Variants in VRK2 observed in about 807,000 individuals in gnomAD.
VRK2 encodes VRK serine/threonine kinase 2.
A neutral mutation model predicts 57.6 loss-of-function variants in VRK2; 60 were observed. The observed-to-expected ratio is 1.04, with a 90% CI of 0.85 to 1.29. VRK2 has a LOEUF of 1.29. VRK2 is among the 50% of genes most tolerant of loss of function. VRK2 has a pLI of 0.00. For synonymous variants in VRK2, 231 were observed against 199.2 expected (o/e 1.16, Z -1.35); for missense variants, 705 against 588.1 (o/e 1.20, Z -2.06).
chr2:58,139,767 T>G lies in VRK2; in HGVS notation c.958T>G (p.Leu320Val). 6.2e-7 allele frequency: 1 copy of G among 1,613,210 alleles called. No individual in the cohort carries two copies. The highest frequency in any genetic ancestry group is 8.5e-7 in the Non-Finnish European group (1 of 1,179,398). ...AATTTTGAACCCTCATGGAATACCT[T>G]TAGGACCACTGGACTTTTCCACAAA... Reference protein sequence around the residue: ...KKILNPHGIPLGPLDFSTKGQ... With the variant: ...KKILNPHGIPVGPLDFSTKGQ... Residue 320 changes from leucine to valine, a missense_variant, in exon 11 of 13, where the codon TTA (leucine) becomes GTA (valine). Physicochemically the swap from Leu to Val is conservative, Grantham distance 32. Transcript: ENST00000340157.
intron 2 of VRK2, among the ~76,000 whole-genome samples, chr2:58,079,638 G>A (rs1204589171): frequency 2.6e-5 from 4 of 151,820 alleles, no homozygotes; most frequent in South Asian, 4.2e-4. Flanking sequence ...TATTAGGATG[G>A]CACAAAAGCA....
At chr2:57,921,593 C>G (rs879791194) in intron 1 of VRK2, among the ~76,000 whole-genome samples, 13 of 151,954 alleles carry the variant, frequency 8.6e-5, no homozygotes, top group Non-Finnish European at 1.5e-4. Context: ...AATCTGCACT[C>G]AAAAAAGTAA....
chr2:58,048,733 G>A (rs1033819499), intron 1 of VRK2, 94 bp from the exon 2 acceptor site: 7 of 1,520,374 alleles, frequency 4.6e-6, no homozygotes, highest in African/African-American at 4.2e-5. Flanking sequence ...ACCTGGGAAA[G>A]TTCCCTATTG....
chr2:57,926,734 CT>C (rs200167473), intron 1 of VRK2, among the ~76,000 whole-genome samples: 7 of 148,780 alleles, frequency 4.7e-5, no homozygotes, highest in African/African-American at 1.2e-4. Context: ...TTTTTTTCAT[CT>C]TTTTTTTTCA....
At chr2:58,045,067 G>A (rs1157619537), upstream of VRK2, among the ~76,000 whole-genome samples, 1 of 152,190 alleles carries the variant, frequency 6.6e-6, no homozygotes, top group Non-Finnish European at 1.5e-5. Flanking sequence ...AAGTCATAGC[G>A]AAGACTGGCT....
At chr2:58,021,067 T>C (rs1673740146) in intron 1 of VRK2, among the ~76,000 whole-genome samples, 1 of 152,212 alleles carries the variant, frequency 6.6e-6, no homozygotes, top group East Asian at 1.9e-4. Context: ...GCCAGACTTT[T>C]GTAATACTGA....
At chr2:58,082,893 G>T (rs1671091317) in intron 2 of VRK2, among the ~76,000 whole-genome samples, 2 of 151,654 alleles carry the variant, frequency 1.3e-5, no homozygotes, top group African/African-American at 2.4e-5. Context: ...AATTGTGTAT[G>T]ATTGGCTCAA....
At chr2:57,970,643 T>C (rs1333839580) in intron 1 of VRK2, among the ~76,000 whole-genome samples, 1 of 151,922 alleles carries the variant, frequency 6.6e-6, no homozygotes, top group Non-Finnish European at 1.5e-5. Context: ...GCAAATATAA[T>C]TTCAAACTTT....
chr2:58,145,549 A>G (rs956026061), intron 11 of VRK2, among the ~76,000 whole-genome samples: 4 of 152,008 alleles, frequency 2.6e-5, no homozygotes, highest in African/African-American at 9.7e-5. Context: ...AATTTTCTCT[A>G]AAAATGCTGT....
At chr2:57,946,058 T>C (rs1315320161) in intron 1 of VRK2, among the ~76,000 whole-genome samples, 2 of 152,150 alleles carry the variant, frequency 1.3e-5, no homozygotes, top group African/African-American at 4.8e-5. Flanking sequence ...TATCTATATA[T>C]TTTGCAAGCT....
intron 2 of VRK2, among the ~76,000 whole-genome samples, chr2:58,051,694 A>G (rs1327550322): frequency 1.3e-5 from 2 of 152,200 alleles, no homozygotes; most frequent in Admixed American, 1.3e-4. Context: ...AGCTCATTGT[A>G]CATGTACAAC....
At chr2:58,051,136 T>C (rs1572855611) in intron 2 of VRK2, among the ~76,000 whole-genome samples, 1 of 152,344 alleles carries the variant, frequency 6.6e-6, no homozygotes, top group East Asian at 1.9e-4. Context: ...TGAGCCACTG[T>C]GCCCAGCCTA....
upstream of VRK2, among the ~76,000 whole-genome samples, chr2:58,045,199 G>A (rs1674648462): frequency 6.6e-6 from 1 of 152,212 alleles, no homozygotes; most frequent in African/African-American, 2.4e-5. Context: ...AAAACATTTA[G>A]GAGGGTAATA....
At position 58,048,862 on chromosome 2, in the gene VRK2, C is replaced by T; in HGVS notation, c.31C>T (p.Leu11Phe). 1.9e-6 allele frequency: 3 copies of T among 1,613,924 alleles called. No homozygotes were observed. Among genetic ancestry groups the T allele is most frequent in the Non-Finnish European group, 2.5e-6 (3 of 1,179,900 alleles). The change falls in exon 2 of 13, where the codon CTT (leucine) becomes TTT (phenylalanine). Residue 11 changes from leucine (L) to phenylalanine (F), a missense_variant. Physicochemically the swap from Leu to Phe is conservative, Grantham distance 22 (BLOSUM62 0). Transcript: ENST00000340157. MPPKRNEKYK[L>F]PIPFPEGKVL... ...ACCAAAAAGAAATGAAAAATACAAA[C>T]TTCCTATTCCATTTCCAGAAGGCAA... is the stretch of plus-strand genomic sequence containing the variant.
chr2:57,942,890 C>G (rs1671145026), intron 1 of VRK2, among the ~76,000 whole-genome samples: 1 of 152,174 alleles, frequency 6.6e-6, no homozygotes, highest in South Asian at 2.1e-4. Flanking sequence ...TCCATTACTT[C>G]AGGGTTCATA....
At chr2:58,051,508 A>G (rs182045071) in intron 2 of VRK2, among the ~76,000 whole-genome samples, 34 of 152,336 alleles carry the variant, frequency 2.2e-4, no homozygotes, top group African/African-American at 7.2e-4. Context: ...GCATTTTATC[A>G]TGGTTCTCAT....
intron 1 of VRK2, among the ~76,000 whole-genome samples, chr2:57,928,952 G>A (rs985546117): frequency 6.6e-6 from 1 of 152,156 alleles, no homozygotes; most frequent in Non-Finnish European, 1.5e-5. Context: ...CTGGGGGAGG[G>A]ATGACACAGC....
At chr2:58,111,188 GTGA>G (rs1675515348) in intron 7 of VRK2, among the ~76,000 whole-genome samples, 1 of 152,202 alleles carries the variant, frequency 6.6e-6, no homozygotes, top group African/African-American at 2.4e-5. Context: ...GCTGGCCTTA[GTGA>G]GTGTTGAGTG....
intron 1 of VRK2, among the ~76,000 whole-genome samples, chr2:57,954,455 G>A (rs1025409582): frequency 5.9e-5 from 9 of 152,056 alleles, no homozygotes; most frequent in African/African-American, 1.9e-4. Context: ...AATTCAACAT[G>A]TTGTTTCTTG....
Sources: gnomAD v4.1 joint callset for allele counts (sites outside exome capture counted in the v4.1 genomes callset) on GRCh38, gnomAD v4.1.1 for gene constraint, MANE v1.5 for transcripts, NCBI Gene and HGNC (gene_info 2026-07-23, HGNC 2026-07-21) for gene names.